TUBB8B: variants seen among roughly 807,000 people sequenced by gnomAD.
TUBB8B encodes HSA18p11 beta-tubulin 4Q pseudogene.
A neutral mutation model predicts 31.9 loss-of-function variants in TUBB8B; 26 were observed. That is an observed-to-expected ratio of 0.81 (90% CI 0.60 to 1.13). The LOEUF is 1.13. TUBB8B is among the 50% of genes most tolerant of loss of function. The pLI is 0.00. For missense variants in TUBB8B, 467 were observed against 586.7 expected (o/e 0.80, Z 2.11); for synonymous variants, 173 against 231.0 (o/e 0.75, Z 2.28).
At chr18:68,330 AC>A in the TUBB8B span, among the ~76,000 whole-genome samples, 1 of 152,164 alleles carries the variant, frequency 6.6e-6, no homozygotes, top group South Asian at 2.1e-4. Context: ...GCTAACCACC[AC>A]GTAACTCCCA....
rs748790354 is a variant in TUBB8B, at chr18:47,468, C to A, written c.1257G>T (p.Val419=). ...TEAESNMNDL[V]SEYQQYQDAT... is the part of the protein sequence containing the mutation. ...CATCCTGATATTGCTGATATTCAGA[C>A]ACCAGGTCGTTCATGTTGCTCTCGG... Residue 419 remains valine (V), a synonymous_variant, in exon 4 of 4, where the codon GTG becomes GTT. Transcript: ENST00000308911. The A allele has an allele frequency of 6.8e-7, 1 of 1,480,740 alleles. No individual in the cohort carries two copies. The highest frequency in any genetic ancestry group is 9.4e-7 in the Non-Finnish European group (1 of 1,062,848). The allele number at this position is 1,480,740 out of a possible 1,614,324, so 91.7% of individuals were successfully genotyped here.
the TUBB8B span, among the ~76,000 whole-genome samples, chr18:59,222 C>A: frequency 6.6e-6 from 1 of 151,790 alleles, no homozygotes; most frequent in Non-Finnish European, 1.5e-5. Context: ...CTGGCAAAAA[C>A]AATAATTTGA....
chr18:67,973 C>A, the TUBB8B span, among the ~76,000 whole-genome samples: 1 of 152,292 alleles, frequency 6.6e-6, no homozygotes, highest in East Asian at 1.9e-4. Flanking sequence ...ACCCACAATA[C>A]TGCTATGACA....
chr18:56,466 T>C, the TUBB8B span, among the ~76,000 whole-genome samples: 51 of 151,994 alleles, frequency 3.4e-4, no homozygotes, highest in Non-Finnish European at 5.9e-4. Flanking sequence ...TAGAAATAAC[T>C]TTCCATTTTT....
intron 3 of TUBB8B, 78 bp from the exon 4 acceptor site, chr18:48,525 C>T: frequency 1.9e-6 from 2 of 1,026,702 alleles, no homozygotes; most frequent in Non-Finnish European, 3.0e-6. Flanking sequence ...CAGAAAGGGC[C>T]AAGTGTCACA....
the TUBB8B span, among the ~76,000 whole-genome samples, chr18:70,628 G>A: frequency 6.6e-6 from 1 of 152,004 alleles, no homozygotes; most frequent in African/African-American, 2.4e-5. Context: ...GAGTGAGACT[G>A]CATCTCAAAA....
the TUBB8B span, among the ~76,000 whole-genome samples, chr18:55,183 C>A: frequency 2.6e-5 from 4 of 151,780 alleles, no homozygotes; most frequent in African/African-American, 7.3e-5. Flanking sequence ...TTCACTGCAA[C>A]CTCCACCTCC....
At chr18:61,644 C>A in the TUBB8B span, among the ~76,000 whole-genome samples, 1 of 128,446 alleles carries the variant, frequency 7.8e-6, no homozygotes, top group Admixed American at 7.2e-5. Context: ...TACCATGAGG[C>A]TTGAATATAA....
At chr18:49,389 C>G in intron 1 of TUBB8B, 112 bp downstream of exon 1, 1 of 810,002 alleles carries the variant, frequency 1.2e-6, no homozygotes, top group Non-Finnish European at 2.0e-6. Context: ...TCCACCGTCC[C>G]CGGCAGGGAG....
At chr18:70,788 C>T in the TUBB8B span, among the ~76,000 whole-genome samples, 18 of 151,754 alleles carry the variant, frequency 1.2e-4, no homozygotes, top group African/African-American at 3.9e-4. Context: ...CCCATCTCTA[C>T]TAAAAATACA....
At chr18:50,717 G>A (rs75439763), upstream of TUBB8B, among the ~76,000 whole-genome samples, 5 of 151,822 alleles carry the variant, frequency 3.3e-5, no homozygotes, top group Admixed American at 3.3e-4. Context: ...GCCCATTTTT[G>A]TTCTTCTTCA....
At chr18:48,530 G>A (rs189666409) in intron 3 of TUBB8B, 83 bp from the exon 4 acceptor site, 21 of 1,026,238 alleles carry the variant, frequency 2.0e-5, no homozygotes, top group African/African-American at 2.0e-4. Context: ...AGGGCCAAGT[G>A]TCACATGTGA....
chr18:49,255 G>A lies in TUBB8B; in HGVS notation c.58-18C>T, dbSNP rs777387927. The A allele has an allele frequency of 6.5e-6, 10 of 1,527,420 alleles. No homozygotes were observed. The highest frequency in any genetic ancestry group is 4.9e-5 in the East Asian group (2 of 40,542). The allele number at this position is 1,527,420 out of a possible 1,614,324, so 94.6% of individuals were successfully genotyped here. On this transcript the variant is annotated intron_variant, in intron 1 of 3. Transcript: ENST00000308911. The stretch of plus-strand genomic sequence containing the variant: ...TCCCAGAACTGCAAGAGACGGGAGG[G>A]GCCAGACAGGCCGGGGCTGAGTCAC...
chr18:69,959 A>ACGGCATGGC, the TUBB8B span, among the ~76,000 whole-genome samples: 1 of 151,794 alleles, frequency 6.6e-6, no homozygotes, highest in Non-Finnish European at 1.5e-5. Flanking sequence ...GAGTTTGAGA[A>ACGGCATGGC]CGGCATGGCC....
At chr18:71,629 A>G in the TUBB8B span, among the ~76,000 whole-genome samples, 1 of 150,860 alleles carries the variant, frequency 6.6e-6, no homozygotes, top group Admixed American at 6.6e-5. Context: ...CCTGCCTGCA[A>G]TCCCAGCACT....
chr18:53,177 A>G (rs1261646668), upstream of TUBB8B, among the ~76,000 whole-genome samples: 1 of 151,860 alleles, frequency 6.6e-6, no homozygotes, highest in Non-Finnish European at 1.5e-5. Flanking sequence ...ACTCATATTA[A>G]GATAGAGAAT....
the TUBB8B span, among the ~76,000 whole-genome samples, chr18:59,828 G>C: frequency 6.6e-6 from 1 of 151,800 alleles, no homozygotes; most frequent in South Asian, 2.1e-4. Context: ...ACAGGCGTGA[G>C]CCACTGCACC....
the TUBB8B span, among the ~76,000 whole-genome samples, chr18:60,244 C>A: frequency 6.6e-6 from 1 of 151,700 alleles, no homozygotes; most frequent in East Asian, 1.9e-4. Context: ...TTAATTTCCT[C>A]TAGGTTTTCT....
chr18:62,150 A>C, the TUBB8B span, among the ~76,000 whole-genome samples: 3 of 151,696 alleles, frequency 2.0e-5, no homozygotes, highest in African/African-American at 7.2e-5. Context: ...AGCTTTTTTA[A>C]TATGTCATGC....
Sources: gnomAD v4.1 joint callset for allele counts (sites outside exome capture counted in the v4.1 genomes callset) on GRCh38, gnomAD v4.1.1 for gene constraint, MANE v1.5 for transcripts, NCBI Gene and HGNC (gene_info 2026-07-23, HGNC 2026-07-21) for gene names.